Variants in ANKS1B observed in about 807,000 individuals in gnomAD.
The protein encoded by ANKS1B is ankyrin repeat and sterile alpha motif domain-containing protein 1B.
A neutral mutation model predicts 148.3 loss-of-function variants in ANKS1B; 36 were observed. That is an observed-to-expected ratio of 0.24 (90% CI 0.19 to 0.32). The LOEUF (loss-of-function observed/expected upper bound fraction) is 0.32. Ranked by LOEUF, ANKS1B falls within the 10% of genes least tolerant of loss-of-function variation. The pLI, the probability that ANKS1B is intolerant of heterozygous loss-of-function variation, is 1.00. For missense variants in ANKS1B, 1,157 were observed against 1,542.6 expected (o/e 0.75, Z 4.19); for synonymous variants, 542 against 560.8 (o/e 0.97, Z 0.47).
chr12:99,160,438 A>T (rs2076532262), intron 14 of ANKS1B, among the ~76,000 whole-genome samples: 1 of 150,772 alleles, frequency 6.6e-6, no homozygotes, highest in East Asian at 2.0e-4. Flanking sequence ...TCCTGGGTTC[A>T]TGCCATTCTC....
At chr12:99,881,541 T>C (rs2092489158) in intron 1 of ANKS1B, among the ~76,000 whole-genome samples, 1 of 152,124 alleles carries the variant, frequency 6.6e-6, no homozygotes, top group South Asian at 2.1e-4. Context: ...AACCAAAAAA[T>C]ACTGGGGATA....
chr12:99,242,626 T>C (rs2089550656), intron 14 of ANKS1B, among the ~76,000 whole-genome samples: 1 of 152,230 alleles, frequency 6.6e-6, no homozygotes, highest in South Asian at 2.1e-4. Flanking sequence ...GGCATCATGC[T>C]ATCTGACTTC....
intron 10 of ANKS1B, among the ~76,000 whole-genome samples, chr12:99,478,779 T>G (rs142402899): frequency 6.6e-6 from 1 of 152,182 alleles, no homozygotes; most frequent in Non-Finnish European, 1.5e-5. Context: ...AAATAAACTT[T>G]CTAACAAACA....
intron 12 of ANKS1B, among the ~76,000 whole-genome samples, chr12:99,291,380 T>C (rs1165810923): frequency 6.6e-6 from 1 of 151,942 alleles, no homozygotes; most frequent in Non-Finnish European, 1.5e-5. Context: ...TTTGCAGAAA[T>C]AGAAAAAAAA....
In ANKS1B at chr12:99,848,933, AAC is replaced by A. The variant is rs1406626792; in HGVS notation, c.135-23546_135-23545del. Reference sequence around the variant, plus strand: ...TGGAAGCCACTATCATAAGCAAACTAACACAGAAACAGAAAACCAAATAACAC... The same window carrying A: ...TGGAAGCCACTATCATAAGCAAACTAACAGAAACAGAAAACCAAATAACAC... On this transcript the variant is annotated intron_variant, in intron 1 of 26. Transcript: ENST00000683438. Among the ~76,000 whole-genome samples the A allele has an allele frequency of 2.0e-5, 3 of 152,182 alleles. No homozygotes were observed. In the East Asian group the frequency reaches 5.8e-4, roughly 29 times the overall value.
intron 14 of ANKS1B, among the ~76,000 whole-genome samples, chr12:99,164,082 G>A (rs1034608523): frequency 2.0e-4 from 31 of 152,024 alleles, no homozygotes; most frequent in Non-Finnish European, 3.4e-4. Context: ...TAAAACGTCT[G>A]TTCATGTCTT....
intron 9 of ANKS1B, among the ~76,000 whole-genome samples, chr12:99,517,158 T>G (rs2096829630): frequency 6.6e-6 from 1 of 152,188 alleles, no homozygotes; most frequent in Non-Finnish European, 1.5e-5. Flanking sequence ...ATGAAATATC[T>G]TTTCATTTTC....
chr12:99,289,893 C>G (rs2154007435), intron 12 of ANKS1B, among the ~76,000 whole-genome samples: 1 of 151,686 alleles, frequency 6.6e-6, no homozygotes, highest in East Asian at 1.9e-4. Flanking sequence ...ACAAAACAAA[C>G]ACAAAATTAC....
rs144087037 is a variant in ANKS1B at position 99,767,547 on chromosome 12, T to C, written c.1128+5375A>G. 6.1e-3 allele frequency among the ~76,000 whole-genome samples: 933 copies of C among 152,216 alleles called. 10 individuals are homozygous for C. The highest frequency in any genetic ancestry group is 0.022 in the African/African-American group (897 of 41,564). Reference sequence around the variant, plus strand: ...GTTTATACACATGGAGGAAAAAACATGAATATAAGGCTTGGGAAAACATAA... The same window carrying C: ...GTTTATACACATGGAGGAAAAAACACGAATATAAGGCTTGGGAAAACATAA... On this transcript the variant is annotated intron_variant, in intron 8 of 26. Coordinates refer to ENST00000683438, the MANE Select transcript of ANKS1B (RefSeq NM_001352186.2).
chr12:99,638,853 C>T (rs1233198715), intron 9 of ANKS1B, among the ~76,000 whole-genome samples: 1 of 152,232 alleles, frequency 6.6e-6, no homozygotes, highest in African/African-American at 2.4e-5. Context: ...TGGCGCCCTG[C>T]ATCCCAGCCA....
intron 19 of ANKS1B, among the ~76,000 whole-genome samples, chr12:98,818,666 A>G (rs888305506): frequency 1.3e-5 from 2 of 152,228 alleles, no homozygotes; most frequent in Admixed American, 6.5e-5. Flanking sequence ...GCTTTTTATC[A>G]TAACATGAAT....
intron 17 of ANKS1B, among the ~76,000 whole-genome samples, chr12:98,965,336 G>T (rs1435560211): frequency 6.6e-6 from 1 of 151,358 alleles, no homozygotes; most frequent in Non-Finnish European, 1.5e-5. Flanking sequence ...ATTCATGTTT[G>T]TTGCAAGAAT....
intron 17 of ANKS1B, among the ~76,000 whole-genome samples, chr12:98,849,246 T>C (rs773966709): frequency 5.3e-5 from 8 of 152,192 alleles, no homozygotes; most frequent in Non-Finnish European, 1.5e-5. Flanking sequence ...TTTTTTTTAT[T>C]TAGATTTAGT....
At chr12:99,003,150 G>T (rs1008230623) in intron 17 of ANKS1B, among the ~76,000 whole-genome samples, 1 of 152,058 alleles carries the variant, frequency 6.6e-6, no homozygotes, top group African/African-American at 2.4e-5. Context: ...TCATATATAC[G>T]TGGGTCTATT....
chr12:99,873,459 A>C (rs1364372593), intron 1 of ANKS1B, among the ~76,000 whole-genome samples: 2 of 152,148 alleles, frequency 1.3e-5, no homozygotes, highest in Non-Finnish European at 2.9e-5. Flanking sequence ...CCATAGATCA[A>C]CTTTCTACCT....
chr12:99,173,931 T>C (rs1032746518), intron 14 of ANKS1B, among the ~76,000 whole-genome samples: 7 of 152,184 alleles, frequency 4.6e-5, no homozygotes, highest in Non-Finnish European at 1.0e-4. Context: ...CTGCATTGAT[T>C]CTTAGTTCCT....
intron 17 of ANKS1B, among the ~76,000 whole-genome samples, chr12:98,857,310 G>A (rs746382121): frequency 3.6e-4 from 55 of 152,200 alleles, no homozygotes; most frequent in South Asian, 2.1e-4. Flanking sequence ...AGTGGGATAC[G>A]GTGTGAGCAA....
At chr12:99,636,955 A>G (rs1447032761) in intron 9 of ANKS1B, among the ~76,000 whole-genome samples, 1 of 152,232 alleles carries the variant, frequency 6.6e-6, no homozygotes, top group Non-Finnish European at 1.5e-5. Flanking sequence ...TCAAAAATCT[A>G]AAGGGAAACA....
intron 1 of ANKS1B, among the ~76,000 whole-genome samples, chr12:99,920,915 A>G (rs1566001241): frequency 6.6e-6 from 1 of 152,196 alleles, no homozygotes; most frequent in Non-Finnish European, 1.5e-5. Context: ...TCTCTTCCAG[A>G]AACACACTCA....
Sources: allele counts gnomAD v4.1 joint callset (sites outside exome capture counted in the v4.1 genomes callset), GRCh38; gene constraint gnomAD v4.1.1; transcripts MANE v1.5; gene names NCBI Gene and HGNC (gene_info 2026-07-23, HGNC 2026-07-21).